SIK3: variants seen among roughly 807,000 people sequenced by gnomAD.
SIK3 encodes serine/threonine-protein kinase SIK3.
In SIK3, 28 loss-of-function variants were observed where a neutral mutation model predicts 144.2. The ratio of observed to expected loss-of-function variants is 0.19; its 90% CI spans 0.14 to 0.27. The LOEUF (loss-of-function observed/expected upper bound fraction) is 0.27. Among genes scored for constraint, SIK3 ranks in the 10% least tolerant of loss-of-function variants. SIK3 has a pLI of 1.00. For missense variants in SIK3, 1,319 were observed against 1,776.0 expected (o/e 0.74, Z 4.62); for synonymous variants, 686 against 676.3 (o/e 1.01, Z -0.22).
chr11:116,864,741 T>A (rs576701924), intron 15 of SIK3: 5 of 152,364 alleles, frequency 3.3e-5, no homozygotes, highest in Admixed American at 1.3e-4. Context: ...GGGTTTCATG[T>A]CCAGGGCAGA....
chr11:117,070,936 T>C (rs920207798), intron 1 of SIK3, among the ~76,000 whole-genome samples: 7 of 151,020 alleles, frequency 4.6e-5, no homozygotes, highest in Non-Finnish European at 1.5e-5. Flanking sequence ...GTCTTTTTAG[T>C]AGAGACGGGG....
intron 1 of SIK3, among the ~76,000 whole-genome samples, chr11:117,003,545 C>G (rs1476380600): frequency 6.6e-6 from 1 of 151,972 alleles, no homozygotes; most frequent in Non-Finnish European, 1.5e-5. Flanking sequence ...AATCCTAGCA[C>G]TTTGACGGGG....
chr11:116,940,160 G>C (rs564264996), intron 3 of SIK3, among the ~76,000 whole-genome samples: 53 of 152,180 alleles, frequency 3.5e-4, no homozygotes, highest in Non-Finnish European at 5.4e-4. Flanking sequence ...AACAAACACA[G>C]GGTTATGATT....
At chr11:116,935,117 G>T (rs1016647458) in intron 3 of SIK3, among the ~76,000 whole-genome samples, 21 of 151,530 alleles carry the variant, frequency 1.4e-4, no homozygotes, top group African/African-American at 4.8e-4. Context: ...GCCAGGCATG[G>T]TGGTATGCAC....
intron 3 of SIK3, among the ~76,000 whole-genome samples, chr11:116,947,565 ATGTATT>A (rs1278907131): frequency 1.9e-4 from 10 of 51,376 alleles, no homozygotes; most frequent in African/African-American, 3.6e-4. Context: ...GTATGTATGT[ATGTATT>A]TTTTTTTTTT....
rs930209174 is a variant in SIK3, at chr11:116,876,036, C to T, written c.1096-27G>A. ...TACCAAGAGAGAAGGGAAAAGAGTA[C>T]AAAACCCTGGTGAAATGGCATGTTG... is the stretch of plus-strand genomic sequence containing the variant. On this transcript the variant is annotated intron_variant, in intron 8 of 24. Transcript: ENST00000445177. 3.1e-6 allele frequency: 5 copies of T among 1,612,150 alleles called. No homozygotes were observed. In the African/African-American group the frequency reaches 5.3e-5, roughly 17 times the overall value.
intron 1 of SIK3, among the ~76,000 whole-genome samples, chr11:117,034,183 G>C (rs1022902779): frequency 6.6e-6 from 1 of 152,164 alleles, no homozygotes; most frequent in African/African-American, 2.4e-5. Context: ...CATAGAACAT[G>C]AAGAACTAGT....
At chr11:116,947,120 T>TATATATAAATTATTATTTATATATA (rs1948634743) in intron 3 of SIK3, among the ~76,000 whole-genome samples, 1 of 6,896 alleles carries the variant, frequency 1.5e-4, no homozygotes, top group African/African-American at 3.6e-4. Context: ...CAAAAAAATA[T>TATATATAAATTATTATTTATATATA]ATATATAATA....
At chr11:117,000,725 A>G (rs540316009) in intron 1 of SIK3, among the ~76,000 whole-genome samples, 32 of 152,368 alleles carry the variant, frequency 2.1e-4, no homozygotes, top group African/African-American at 7.5e-4. Context: ...GACCAGCTCC[A>G]AAGTGATTAC....
chr11:116,931,105 C>T (rs1370919134), intron 3 of SIK3, among the ~76,000 whole-genome samples: 1 of 152,216 alleles, frequency 6.6e-6, no homozygotes, highest in African/African-American at 2.4e-5. Flanking sequence ...CATTGGTCTT[C>T]TTTAATCTTT....
chr11:116,871,539 T>A (rs888998211), intron 13 of SIK3, among the ~76,000 whole-genome samples: 1 of 152,212 alleles, frequency 6.6e-6, no homozygotes, highest in Non-Finnish European at 1.5e-5. Flanking sequence ...TAAAGATTTA[T>A]ATTTGCAAAA....
intron 1 of SIK3, among the ~76,000 whole-genome samples, chr11:117,087,962 G>A (rs1175391589): frequency 1.3e-5 from 2 of 152,158 alleles, no homozygotes; most frequent in African/African-American, 2.4e-5. Flanking sequence ...AGGCGTGATG[G>A]CTCACACCCG....
chr11:117,060,886 A>G lies in SIK3; in HGVS notation c.273+37257T>C, dbSNP rs1953761657. On this transcript the variant is annotated intron_variant, in intron 1 of 24. Transcript: ENST00000445177. Reference sequence around the variant, plus strand: ...CAGGGAAAATCGTGAGGACAGGCAGAGATAATGGGATATGTGGGATTTCTC... The same window carrying G: ...CAGGGAAAATCGTGAGGACAGGCAGGGATAATGGGATATGTGGGATTTCTC... Among the ~76,000 whole-genome samples, 4 of 152,182 alleles carry G rather than the reference A, an allele frequency of 2.6e-5. No homozygotes were observed. In the South Asian group the frequency reaches 8.3e-4, roughly 32 times the overall value.
chr11:116,851,721 G>GA (rs1942460538), intron 21 of SIK3, among the ~76,000 whole-genome samples: 2 of 152,172 alleles, frequency 1.3e-5, no homozygotes, highest in Admixed American at 6.5e-5. Context: ...CCTACACCAG[G>GA]ACTTGCTCTG....
chr11:116,905,390 G>A (rs111245276), intron 4 of SIK3, among the ~76,000 whole-genome samples: 96 of 152,174 alleles, frequency 6.3e-4, no homozygotes, highest in African/African-American at 2.2e-3. Context: ...ACTTTGCAGC[G>A]ACTAAAAATA....
intron 6 of SIK3, among the ~76,000 whole-genome samples, chr11:116,887,424 C>A (rs763565154): frequency 6.6e-6 from 1 of 151,902 alleles, no homozygotes; most frequent in Non-Finnish European, 1.5e-5. Flanking sequence ...CAAGACCAGC[C>A]TGGCCAACAT....
chr11:116,859,371 C>T lies in SIK3; in HGVS notation c.2659G>A (p.Ala887Thr). ...CGGTGCTGCATCTGCATCTGACCAGCACTGGGGCTGATGGAGATGCCGCGC... is the reference window on the plus strand; with the variant it reads ...CGGTGCTGCATCTGCATCTGACCAGTACTGGGGCTGATGGAGATGCCGCGC... ...SGRGISISPS[A>T]GQMQMQHRTN... Residue 887 changes from alanine to threonine, a missense_variant, in exon 20 of 25, where the codon GCT becomes ACT. By Grantham distance (58) the Ala-to-Thr change is moderately conservative. Coordinates refer to ENST00000445177, the MANE Select transcript of SIK3 (RefSeq NM_001366686.3). 6.2e-7 allele frequency: 1 copy of T among 1,614,216 alleles called. No individual in the cohort carries two copies. Among genetic ancestry groups the T allele is most frequent in the Non-Finnish European group, 8.5e-7 (1 of 1,180,042 alleles).
At chr11:116,965,734 A>AAAATATAT (rs1949505613) in intron 1 of SIK3, among the ~76,000 whole-genome samples, 2 of 118,402 alleles carry the variant, frequency 1.7e-5, no homozygotes, top group Non-Finnish European at 3.2e-5. Context: ...TCTCTGCTAA[A>AAAATATAT]ATATATATAT....
At chr11:116,869,908 G>A (rs1277405956) in intron 14 of SIK3, 4 of 366,728 alleles carry the variant, frequency 1.1e-5, no homozygotes, top group East Asian at 7.3e-5. Context: ...TCATTCTCCT[G>A]GAAAGGAAAA....
Sources: gnomAD v4.1 joint callset for allele counts (sites outside exome capture counted in the v4.1 genomes callset) on GRCh38, gnomAD v4.1.1 for gene constraint, MANE v1.5 for transcripts, NCBI Gene and HGNC (gene_info 2026-07-23, HGNC 2026-07-21) for gene names.